Variants in CADPS2 observed in about 807,000 individuals in gnomAD.
CADPS2 encodes calcium dependent secretion activator 2.
In CADPS2, 93 loss-of-function variants were observed where a neutral mutation model predicts 172.5. The ratio of observed to expected loss-of-function variants is 0.54; its 90% CI spans 0.46 to 0.64. The LOEUF is 0.64. CADPS2 is among the 30% of genes least tolerant of loss of function. The pLI, the probability that CADPS2 is intolerant of heterozygous loss-of-function variation, is 0.00. For synonymous variants in CADPS2, 546 were observed against 555.2 expected (o/e 0.98, Z 0.23); for missense variants, 1,420 against 1,565.9 (o/e 0.91, Z 1.57).
intron 2 of CADPS2, among the ~76,000 whole-genome samples, chr7:122,673,163 C>A (rs1020948119): frequency 2.0e-5 from 3 of 152,152 alleles, no homozygotes; most frequent in Non-Finnish European, 4.4e-5. Flanking sequence ...AAAGGCGGTG[C>A]GGACCCAAAG....
chr7:122,713,042 A>G (rs2089009742), intron 2 of CADPS2, among the ~76,000 whole-genome samples: 1 of 152,066 alleles, frequency 6.6e-6, no homozygotes, highest in African/African-American at 2.4e-5. Context: ...GGACAGTTTA[A>G]TCATTATATA....
At chr7:122,570,283 T>G (rs1190496950) in intron 7 of CADPS2, among the ~76,000 whole-genome samples, 1 of 152,058 alleles carries the variant, frequency 6.6e-6, no homozygotes, top group Non-Finnish European at 1.5e-5. Context: ...CATGAAAAAA[T>G]GCTCATCGTC....
At chr7:122,344,792 ATAAC>A (rs1197757169) in intron 28 of CADPS2, among the ~76,000 whole-genome samples, 1 of 152,202 alleles carries the variant, frequency 6.6e-6, no homozygotes, top group African/African-American at 2.4e-5. Flanking sequence ...CTGGCTTTTT[ATAAC>A]TAACCTCAGG....
intron 1 of CADPS2, among the ~76,000 whole-genome samples, chr7:122,879,984 CTTTAATTACTTTAATAAGTCA>C (rs1363588006): frequency 6.6e-6 from 1 of 152,150 alleles, no homozygotes; most frequent in Non-Finnish European, 1.5e-5. Flanking sequence ...ATTTTAATTA[CTTTAATTACTTTAATAAGTCA>C]TTTAATTACT....
chr7:122,667,003 T>C (rs1250080132), intron 2 of CADPS2, among the ~76,000 whole-genome samples: 1 of 152,198 alleles, frequency 6.6e-6, no homozygotes, highest in Non-Finnish European at 1.5e-5. Flanking sequence ...TTGGGTACTC[T>C]GCTCCTTATT....
rs1450717228 is a variant in CADPS2, at chr7:122,663,329, G to C, written c.694C>G (p.Leu232Val). The change falls in exon 3 of 30, where the codon CTT (leucine) becomes GTT (valine). Residue 232 changes from leucine to valine, a missense_variant. Transcript: ENST00000449022. ...NRMALSAVSE[L>V]ILSKEQLYEM... ...TAGAGTTGTTCCTTGCTCAGAATAA[G>C]TTCAGACACTGCACTTAGGGCCATT... The C allele has an allele frequency of 3.7e-6, 6 of 1,613,768 alleles. No individual in the cohort carries two copies. Among genetic ancestry groups the C allele is most frequent in the Non-Finnish European group, 5.1e-6 (6 of 1,179,872 alleles).
intron 14 of CADPS2, among the ~76,000 whole-genome samples, chr7:122,452,109 T>C (rs533243864): frequency 6.6e-6 from 1 of 152,354 alleles, no homozygotes; most frequent in South Asian, 2.1e-4. Flanking sequence ...TTTTACAAAG[T>C]AGCTATGAAG....
At chr7:122,438,535 G>A in intron 16 of CADPS2, 71 bp from the exon 17 acceptor site, 1 of 1,520,756 alleles carries the variant, frequency 6.6e-7, no homozygotes, top group Non-Finnish European at 9.0e-7. Flanking sequence ...AAAGACAGAT[G>A]TTGCATAAAA....
At chr7:122,539,730 C>A (rs375523459) in intron 8 of CADPS2, among the ~76,000 whole-genome samples, 10 of 98,112 alleles carry the variant, frequency 1.0e-4, no homozygotes, top group African/African-American at 4.4e-4. Flanking sequence ...TATAACTCTG[C>A]CTGTCTGTCC....
intron 27 of CADPS2, among the ~76,000 whole-genome samples, chr7:122,350,684 G>C (rs547763547): frequency 1.3e-5 from 2 of 152,126 alleles, no homozygotes; most frequent in South Asian, 4.1e-4. Flanking sequence ...GATGGGAAGA[G>C]AAACAGTTGA....
At chr7:122,688,341 G>A (rs375421338) in intron 2 of CADPS2, among the ~76,000 whole-genome samples, 19 of 152,178 alleles carry the variant, frequency 1.2e-4, no homozygotes, top group Admixed American at 5.9e-4. Context: ...ACTTGCCACT[G>A]CCTTCATTTA....
intron 7 of CADPS2, among the ~76,000 whole-genome samples, chr7:122,565,415 A>G (rs113455380): frequency 6.6e-6 from 1 of 152,296 alleles, no homozygotes; most frequent in African/African-American, 2.4e-5. Flanking sequence ...GATAGTGGGG[A>G]ATAAGGTCAG....
At chr7:122,446,001 T>C (rs1440802290) in intron 15 of CADPS2, among the ~76,000 whole-genome samples, 1 of 152,208 alleles carries the variant, frequency 6.6e-6, no homozygotes, top group Non-Finnish European at 1.5e-5. Context: ...ACCTAGACCA[T>C]TTGTGACAAT....
intron 17 of CADPS2, among the ~76,000 whole-genome samples, chr7:122,430,503 G>T (rs2049767281): frequency 6.6e-6 from 1 of 152,094 alleles, no homozygotes; most frequent in African/African-American, 2.4e-5. Flanking sequence ...TAGGAAACAT[G>T]ATGCTTCAGT....
At chr7:122,671,877 C>T (rs979276630) in intron 2 of CADPS2, among the ~76,000 whole-genome samples, 23 of 152,110 alleles carry the variant, frequency 1.5e-4, no homozygotes, top group African/African-American at 4.8e-4. Flanking sequence ...TGAAACCCAT[C>T]CATACACTTG....
At chr7:122,472,373 G>A (rs2056091081) in intron 13 of CADPS2, among the ~76,000 whole-genome samples, 2 of 151,878 alleles carry the variant, frequency 1.3e-5, no homozygotes, top group African/African-American at 4.8e-5. Context: ...AAGAAAAGGA[G>A]TAAGAGAAGA....
intron 2 of CADPS2, among the ~76,000 whole-genome samples, chr7:122,719,176 G>A (rs1314903455): frequency 2.0e-5 from 3 of 152,044 alleles, no homozygotes; most frequent in Non-Finnish European, 4.4e-5. Flanking sequence ...GGCCCTGAGG[G>A]GTGGGACAGC....
At chr7:122,852,871 G>A (rs1186047883) in intron 1 of CADPS2, among the ~76,000 whole-genome samples, 2 of 152,122 alleles carry the variant, frequency 1.3e-5, no homozygotes, top group African/African-American at 4.8e-5. Context: ...ACAGATAAGG[G>A]TTGGGGATGG....
intron 1 of CADPS2, among the ~76,000 whole-genome samples, chr7:122,848,611 A>G (rs1283310117): frequency 1.3e-5 from 2 of 152,228 alleles, no homozygotes; most frequent in African/African-American, 2.4e-5. Context: ...CGATTCAAAC[A>G]TATGCCACAG....
Sources: gnomAD v4.1 joint callset for allele counts (sites outside exome capture counted in the v4.1 genomes callset) on GRCh38, gnomAD v4.1.1 for gene constraint, MANE v1.5 for transcripts, NCBI Gene and HGNC (gene_info 2026-07-23, HGNC 2026-07-21) for gene names.